TACC3: variants seen among roughly 807,000 people sequenced by gnomAD.
TACC3 encodes the protein transforming acidic coiled-coil containing protein 3.
Under a neutral mutation model 86.0 loss-of-function variants are expected in TACC3, and 52 were observed. The observed-to-expected ratio is 0.60, with a 90% CI of 0.48 to 0.76. The LOEUF is 0.76. TACC3 is among the 30% of genes least tolerant of loss of function. The pLI is 0.00. For missense variants in TACC3, 1,120 were observed against 1,070.4 expected (o/e 1.05, Z -0.65); for synonymous variants, 512 against 430.0 (o/e 1.19, Z -2.36).
chr4:1,730,227 A>C (rs1394716665), intron 4 of TACC3, among the ~76,000 whole-genome samples: 1 of 152,072 alleles, frequency 6.6e-6, no homozygotes, highest in Admixed American at 6.6e-5. Context: ...TTTTTAGTAG[A>C]GACGGGGTTT....
At chr4:1,739,050 T>A (rs1718428881) in intron 10 of TACC3, among the ~76,000 whole-genome samples, 1 of 152,178 alleles carries the variant, frequency 6.6e-6, no homozygotes, top group South Asian at 2.1e-4. Flanking sequence ...GGGTCACGCC[T>A]GTAATCCCAG....
At chr4:1,736,918 A>T (rs76165080) in intron 8 of TACC3, among the ~76,000 whole-genome samples, 1 of 109,806 alleles carries the variant, frequency 9.1e-6, no homozygotes, top group Non-Finnish European at 2.3e-5. Flanking sequence ...TCGGAAAAAG[A>T]AAAAAAAAAA....
intron 3 of TACC3, among the ~76,000 whole-genome samples, chr4:1,726,704 C>G (rs551363405): frequency 1.3e-4 from 20 of 152,348 alleles, no homozygotes; most frequent in African/African-American, 3.6e-4. Flanking sequence ...GGAGGCCACA[C>G]AGAGGACTGG....
chr4:1,738,544 A>C (rs981714964), intron 10 of TACC3, among the ~76,000 whole-genome samples: 1 of 152,256 alleles, frequency 6.6e-6, no homozygotes, highest in Non-Finnish European at 1.5e-5. Flanking sequence ...TTAGAAATGC[A>C]CAATGCTTGT....
Position 1,728,637 on chromosome 4 carries a change from A to C in TACC3, c.1235A>C (p.Asp412Ala). The change falls in exon 4 of 16, where the codon GAC becomes GCC. Residue 412 changes from aspartate (D) to alanine (A), a missense_variant. Coordinates refer to ENST00000313288, the MANE Select transcript of TACC3 (RefSeq NM_006342.3). ...CACCTCGACTGGGACAAAATGGATG[A>C]CCCAAACTTCATCCCGTTCGGAGGT... ...SYHLDWDKMDDPNFIPFGGDT... is the reference protein window; with the variant it reads ...SYHLDWDKMDAPNFIPFGGDT... 2 of 1,613,824 alleles carry C rather than the reference A, an allele frequency of 1.2e-6. No homozygotes were observed. The highest frequency in any genetic ancestry group is 8.5e-7 in the Non-Finnish European group (1 of 1,180,000).
intron 11 of TACC3, 53 bp downstream of exon 11, chr4:1,739,831 T>A: frequency 6.9e-7 from 1 of 1,442,348 alleles, no homozygotes; most frequent in South Asian, 1.2e-5. Flanking sequence ...TCGCCATCCT[T>A]GTCCCCATCC....
chr4:1,739,733 T>C lies in TACC3; in HGVS notation c.1973T>C (p.Leu658Pro). The C allele has an allele frequency of 1.9e-6, 3 of 1,588,654 alleles. No individual in the cohort carries two copies. The highest frequency in any genetic ancestry group is 2.6e-6 in the Non-Finnish European group (3 of 1,168,702). The change falls in exon 11 of 16, where the codon CTG becomes CCG. Residue 658 changes from leucine to proline, a missense_variant. Coordinates refer to ENST00000313288, the MANE Select transcript of TACC3 (RefSeq NM_006342.3). Reference sequence around the variant, plus strand: ...GCGACACAGGAGGAGAACCGGGAGCTGAGGAGCAGGTGTGAGGAGCTCCAC... The same window carrying C: ...GCGACACAGGAGGAGAACCGGGAGCCGAGGAGCAGGTGTGAGGAGCTCCAC... ...VKATQEENRE[L>P]RSRCEELHGK... is the part of the protein sequence containing the mutation.
intron 4 of TACC3, among the ~76,000 whole-genome samples, chr4:1,729,562 G>C (rs1265132501): frequency 6.6e-6 from 1 of 152,184 alleles, no homozygotes; most frequent in Non-Finnish European, 1.5e-5. Context: ...CGGAGAGAGA[G>C]GACAGCTGAC....
In TACC3 at chr4:1,743,968, G is replaced by C. The variant is rs1172158371; in HGVS notation, c.2224-550G>C. The stretch of plus-strand genomic sequence containing the variant: ...TGGCTGGGCTGTGAGGCCGCTGGGG[G>C]CACTGCAGGAAGAAGGCAGGTAGGC... On this transcript the variant is annotated intron_variant, in intron 13 of 15. Transcript: ENST00000313288. Among the ~76,000 whole-genome samples the C allele has an allele frequency of 2.0e-5, 3 of 152,148 alleles. No homozygotes were observed. The East Asian group carries it at 5.8e-4, about 29-fold the overall frequency.
In TACC3 at chr4:1,737,587, A is replaced by G. The variant is rs1718343194; in HGVS notation, c.1837-11A>G. 3 of 1,495,598 alleles carry G rather than the reference A, an allele frequency of 2.0e-6. No homozygotes were observed. Among genetic ancestry groups the G allele is most frequent in the Non-Finnish European group, 2.7e-6 (3 of 1,117,704 alleles). The allele number at this position is 1,495,598 out of a possible 1,614,324, so 92.6% of individuals were successfully genotyped here. ...CGAAATGGGTTCCTGTTTCATCCCC[A>G]TCTCCCGCAGGTGCCAGGCCCACCC... is the stretch of plus-strand genomic sequence containing the variant. On this transcript the variant is annotated splice_polypyrimidine_tract_variant and intron_variant, in intron 9 of 15. Coordinates refer to ENST00000313288, the MANE Select transcript of TACC3 (RefSeq NM_006342.3).
In TACC3 at chr4:1,731,201, G is replaced by A. The variant is rs769951751; in HGVS notation, c.1491G>A (p.Ser497=). The change falls in exon 6 of 16, where the codon TCG becomes TCA. Residue 497 remains serine (S), a synonymous_variant. Coordinates refer to ENST00000313288, the MANE Select transcript of TACC3 (RefSeq NM_006342.3). The part of the protein sequence containing the change: ...KERALNSAST[S]LPTSCPGSEP... ...GAGCCTTGAACTCTGCCAGCACCTCGCTTCCCACAAGCTGTCCAGGCAGTG... is the reference window on the plus strand; with the variant it reads ...GAGCCTTGAACTCTGCCAGCACCTCACTTCCCACAAGCTGTCCAGGCAGTG... 8.7e-6 allele frequency: 14 copies of A among 1,613,222 alleles called. No homozygotes were observed. The highest frequency in any genetic ancestry group is 5.3e-5 in the African/African-American group (4 of 74,924).
chr4:1,732,785 G>C (rs754566172), intron 6 of TACC3, among the ~76,000 whole-genome samples: 23 of 152,360 alleles, frequency 1.5e-4, no homozygotes, highest in Admixed American at 3.9e-4. Flanking sequence ...TGCTGGAGCA[G>C]GTGTGGGTGC....
rs1718241466 is a variant in TACC3 at position 1,735,934 on chromosome 4, G to A, written c.1748+100G>A. The stretch of plus-strand genomic sequence containing the variant: ...TCTGCACAGAGGCTTCTAGACCGGG[G>A]GGAGATGATCAGAACTGGAAAGGAG... On this transcript the variant is annotated intron_variant, in intron 8 of 15. Coordinates refer to ENST00000313288, the MANE Select transcript of TACC3 (RefSeq NM_006342.3). The surrounding 1 kb of genome is among the most constrained non-coding windows in gnomAD (Gnocchi z 4.2). 8 of 860,746 alleles carry A rather than the reference G, an allele frequency of 9.3e-6. No homozygotes were observed. Among genetic ancestry groups the A allele is most frequent in the Non-Finnish European group, 1.3e-5 (7 of 556,726 alleles). The allele number at this position is 860,746 out of a possible 1,614,324, so 53.3% of individuals were successfully genotyped here.
chr4:1,720,666 C>T, upstream of TACC3: 9 of 1,547,106 alleles, frequency 5.8e-6, no homozygotes, highest in Non-Finnish European at 7.8e-6. This position sits in a 1 kb window ranked among gnomAD's most constrained non-coding sequence, Gnocchi z 4.4. Flanking sequence ...AACAGCGTGG[C>T]GGCCGTGCGG....
In TACC3 at chr4:1,745,078, G is replaced by A; in HGVS notation, c.*65G>A. 1 of 1,494,490 alleles carries A rather than the reference G, an allele frequency of 6.7e-7. No individual in the cohort carries two copies. The highest frequency in any genetic ancestry group is 9.1e-7 in the Non-Finnish European group (1 of 1,103,732). 92.6% of individuals were successfully genotyped at this position (1,494,490 alleles called of 1,614,324 possible). A position where few individuals can be genotyped will look rare whatever the true frequency, so the allele number is the denominator to read the frequency against. ...TGTCTGTCCTGTCTGATTCTCTTAGGTGTCATGTTCTTTTTTCTGTCTTGT... is the reference window on the plus strand; with the variant it reads ...TGTCTGTCCTGTCTGATTCTCTTAGATGTCATGTTCTTTTTTCTGTCTTGT... On this transcript the variant is annotated 3_prime_UTR_variant, in exon 16 of 16. Transcript: ENST00000313288.
chr4:1,726,698 G>A (rs1220383416), intron 3 of TACC3, among the ~76,000 whole-genome samples: 1 of 152,218 alleles, frequency 6.6e-6, no homozygotes, highest in Non-Finnish European at 1.5e-5. Context: ...CAGGCTGGAG[G>A]CCACACAGAG....
chr4:1,720,887 G>T, upstream of TACC3: 1 of 1,526,250 alleles, frequency 6.6e-7, no homozygotes, highest in Non-Finnish European at 8.8e-7. The surrounding 1 kb of genome is among the most constrained non-coding windows in gnomAD (Gnocchi z 4.4). Flanking sequence ...CCGGCGCGCG[G>T]ACGAGGCCGC....
At position 1,737,680 on chromosome 4, in the gene TACC3, G is replaced by A. The variant is rs1356170879; in HGVS notation, c.1919G>A (p.Ser640Asn). ...TGPIVDLLQY[S>N]QKDLDAVVKA... The stretch of plus-strand genomic sequence containing the variant: ...CCTATAGTGGACCTGCTCCAGTACA[G>A]CCAGAAGGACCTGGATGCAGTGGTA... Residue 640 changes from serine (S) to asparagine (N), a missense_variant, in exon 10 of 16, where the codon AGC becomes AAC. Coordinates refer to ENST00000313288, the MANE Select transcript of TACC3 (RefSeq NM_006342.3). 1 of 1,551,060 alleles carries A rather than the reference G, an allele frequency of 6.4e-7. No homozygotes were observed. Among genetic ancestry groups the A allele is most frequent in the Non-Finnish European group, 8.7e-7 (1 of 1,146,914 alleles).
intron 1 of TACC3, among the ~76,000 whole-genome samples, chr4:1,722,519 C>T (rs910274071): frequency 1.3e-5 from 2 of 152,198 alleles, no homozygotes; most frequent in East Asian, 3.9e-4. Context: ...CACAGCACCA[C>T]AGTGGGCTTC....
Sources: gnomAD v4.1 joint callset for allele counts (sites outside exome capture counted in the v4.1 genomes callset) on GRCh38, gnomAD v4.1.1 for gene constraint, Gnocchi (gnomAD v3.1) non-coding constraint, MANE v1.5 for transcripts, NCBI Gene and HGNC (gene_info 2026-07-23, HGNC 2026-07-21) for gene names.